Variants in PREPL observed in about 807,000 individuals in gnomAD.
PREPL encodes prolyl endopeptidase-like.
A neutral mutation model predicts 70.6 loss-of-function variants in PREPL; 77 were observed. The observed-to-expected ratio is 1.09, with a 90% confidence interval of 0.91 to 1.32. The LOEUF (loss-of-function observed/expected upper bound fraction) is 1.32. Ranked by LOEUF, PREPL falls within the 40% of genes most tolerant of loss-of-function variation. The probability of loss-of-function intolerance (pLI) is 0.00; values close to 1 mark genes in which losing one functional copy is unlikely to be tolerated. For synonymous variants in PREPL, 315 were observed against 264.8 expected, an observed-to-expected ratio of 1.19 and a Z score of -1.84; for missense variants, 1,002 against 778.2, an observed-to-expected ratio of 1.29 and a Z score of -3.42.
At chr2:44,329,227 T>C (rs1035825262) in intron 8 of PREPL, 115 bp from the exon 9 acceptor site, 3 of 795,690 alleles carry the variant, frequency 3.8e-6, no homozygotes, top group African/African-American at 1.8e-5. Flanking sequence ...CCTACTGATG[T>C]TGAGCACAAA....
Position 44,320,508 on chromosome 2 carries a change from G to GT in PREPL, c.*847_*848insA. ...TACAAGTGGCATTTTTCTGGACAAG[G>GT]GAGAGGGACTCATCTTTGAACACAA... On this transcript the variant is annotated 3_prime_UTR_variant, in exon 14 of 14. Coordinates refer to ENST00000409411, the MANE Select transcript of PREPL (RefSeq NM_001171613.2). 6.2e-7 allele frequency: 1 copy of GT among 1,614,118 alleles called. No homozygotes were observed. Among genetic ancestry groups the GT allele is most frequent in the East Asian group, 2.2e-5 (1 of 44,886 alleles).
intron 12 of PREPL, among the ~76,000 whole-genome samples, 156 bp downstream of exon 12, chr2:44,322,575 G>A (rs957154589): frequency 1.3e-5 from 2 of 152,106 alleles, no homozygotes; most frequent in African/African-American, 4.8e-5. Context: ...ATGTAGTTAC[G>A]TACACTTTAA....
intron 12 of PREPL, among the ~76,000 whole-genome samples, chr2:44,322,458 C>T (rs1005255500): frequency 3.3e-5 from 5 of 152,280 alleles, no homozygotes; most frequent in African/African-American, 1.2e-4. Context: ...TATGGCAGTG[C>T]ATCTCCAAGT....
In PREPL at chr2:44,320,739, T is replaced by C. The variant is rs886056074; in HGVS notation, c.*617A>G. On this transcript the variant is annotated 3_prime_UTR_variant, in exon 14 of 14. Transcript: ENST00000409411. Reference sequence around the variant, plus strand: ...ATGCTGCTTGGTGAACAATCATTAATTCTTCGATATTTCTGTAGCTTGAAT... The same window carrying C: ...ATGCTGCTTGGTGAACAATCATTAACTCTTCGATATTTCTGTAGCTTGAAT... 9 of 924,100 alleles carry C rather than the reference T, an allele frequency of 9.7e-6. No homozygotes were observed. The highest frequency in any genetic ancestry group is 1.6e-5 in the African/African-American group (1 of 61,330). The allele number at this position is 924,100 out of a possible 1,614,324, so 57.2% of individuals were successfully genotyped here. A position where few individuals can be genotyped will look rare whatever the true frequency, so the allele number is the denominator to read the frequency against.
At position 44,326,944 on chromosome 2, in the gene PREPL, A is replaced by C; in HGVS notation, c.1263-16T>G. 16 of 1,610,596 alleles carry C rather than the reference A, an allele frequency of 9.9e-6. No individual in the cohort carries two copies. Among genetic ancestry groups the C allele is most frequent in the Non-Finnish European group, 1.4e-5 (16 of 1,177,400 alleles). ...ACCACCACCTCTGAAATTGAAGGGC[A>C]AAAAAGTTTTAGTGGAAAAAAAAAG... On this transcript the variant is annotated splice_polypyrimidine_tract_variant and intron_variant, in intron 9 of 13. Transcript: ENST00000409411.
chr2:44,359,059 T>C (rs1006819011), intron 1 of PREPL, among the ~76,000 whole-genome samples: 1 of 147,450 alleles, frequency 6.8e-6, no homozygotes, highest in African/African-American at 2.5e-5. Flanking sequence ...TATAAATATA[T>C]GTATACACTT....
chr2:44,321,559 G>A, intron 13 of PREPL, 114 bp from the exon 14 acceptor site: 1 of 1,507,710 alleles, frequency 6.6e-7, no homozygotes, highest in Non-Finnish European at 8.9e-7. Context: ...GCAATTTATG[G>A]CAAGAATACT....
intron 8 of PREPL, among the ~76,000 whole-genome samples, chr2:44,331,358 G>T (rs994586442): frequency 2.6e-5 from 4 of 151,986 alleles, no homozygotes; most frequent in African/African-American, 7.3e-5. Flanking sequence ...GACATTACAG[G>T]CACCTGCCAC....
At position 44,321,864 on chromosome 2, in the gene PREPL, G is replaced by A. The variant is rs1305157753; in HGVS notation, c.1790C>T (p.Pro597Leu). The A allele has an allele frequency of 1.9e-6, 3 of 1,613,640 alleles. No individual in the cohort carries two copies. The highest frequency in any genetic ancestry group is 2.7e-5 in the African/African-American group (2 of 74,992). The stretch of plus-strand genomic sequence containing the variant: ...ATCCTCAATTACATGATTGCCTCCA[G>A]GCTGAATATCTAGAATAATATTAGG... ...QTPNIILDIQPGGNHVIEDSH... is the reference protein window; with the variant it reads ...QTPNIILDIQLGGNHVIEDSH... The change falls in exon 13 of 14, where the codon CCT (proline) becomes CTT (leucine). Residue 597 changes from proline to leucine, a missense_variant. Coordinates refer to ENST00000409411, the MANE Select transcript of PREPL (RefSeq NM_001171613.2).
At chr2:44,321,694 C>T in intron 13 of PREPL, 133 bp downstream of exon 13, 1 of 1,572,132 alleles carries the variant, frequency 6.4e-7, no homozygotes, top group Non-Finnish European at 8.6e-7. Context: ...CCTCCCTCCC[C>T]TCCTGGGTCT....
rs747466071 is a variant in PREPL at position 44,319,856 on chromosome 2, G to A, written c.*1500C>T. On this transcript the variant is annotated 3_prime_UTR_variant, in exon 14 of 14. Transcript: ENST00000409411. ...CTGGCCATCTGGCAGTTACAATATA[G>A]CACAGAATGACTATGCAAGTTAAAT... 8 of 260,750 alleles carry A rather than the reference G, an allele frequency of 3.1e-5. No homozygotes were observed. The highest frequency in any genetic ancestry group is 6.0e-5 in the Non-Finnish European group (8 of 134,240). 16.2% of individuals were successfully genotyped at this position (260,750 alleles called of 1,614,324 possible).
chr2:44,330,675 G>C (rs1427346234), intron 8 of PREPL, among the ~76,000 whole-genome samples: 1 of 152,092 alleles, frequency 6.6e-6, no homozygotes, highest in Non-Finnish European at 1.5e-5. Context: ...AAATTCCTAA[G>C]AATAAAAGGC....
In PREPL at chr2:44,338,481, G is replaced by A; in HGVS notation, c.758C>T (p.Thr253Ile). 13 of 1,612,204 alleles carry A rather than the reference G, an allele frequency of 8.1e-6. No homozygotes were observed. Among genetic ancestry groups the A allele is most frequent in the Non-Finnish European group, 1.1e-5 (13 of 1,179,456 alleles). Residue 253 changes from threonine to isoleucine, a missense_variant, in exon 7 of 14, where the codon ACA becomes ATA. By Grantham distance (89) the Thr-to-Ile change is moderately conservative. Transcript: ENST00000409411. ...TATCACTTTTGTATTTCTCTTCATT[G>A]TAAAAAATAAATCCCAATTCATAAT... Reference protein sequence around the residue: ...PAIMNWDLFFTMKRNTKVIDL... With the variant: ...PAIMNWDLFFIMKRNTKVIDL...
rs180871676 is a variant in PREPL at position 44,344,550 on chromosome 2, A to G, written c.112T>C (p.Cys38Arg). Residue 38 changes from cysteine (C) to arginine (R), a missense_variant, in exon 3 of 14, where the codon TGT becomes CGT. Coordinates refer to ENST00000409411, the MANE Select transcript of PREPL (RefSeq NM_001171613.2). ...HGGFVYYQEGCCLVRSKDEEA... is the reference protein window; with the variant it reads ...HGGFVYYQEGRCLVRSKDEEA... Reference sequence around the variant, plus strand: ...TCATCTTTGGAACGAACCAAGCAACAACCTTCTTGGTAATAAACAAAACCA... The same window carrying G: ...TCATCTTTGGAACGAACCAAGCAACGACCTTCTTGGTAATAAACAAAACCA... 2.5e-6 allele frequency: 4 copies of G among 1,604,586 alleles called. No homozygotes were observed. In the African/African-American group the frequency reaches 5.3e-5, roughly 21 times the overall value.
At chr2:44,340,927 CAAAAAA>C (rs966745305) in intron 5 of PREPL, among the ~76,000 whole-genome samples, 9 of 97,936 alleles carry the variant, frequency 9.2e-5, no homozygotes, top group African/African-American at 2.4e-4. Context: ...GACTCTGTTT[CAAAAAA>C]AAAAAAAAAA....
rs192371707 is a variant in PREPL, at chr2:44,319,232, C to G, written c.*2124G>C. The G allele has an allele frequency of 9.8e-5, 15 of 152,722 alleles. No homozygotes were observed. Among genetic ancestry groups the G allele is most frequent in the Admixed American group, 3.3e-4 (5 of 15,290 alleles). 9.5% of individuals were successfully genotyped at this position (152,722 alleles called of 1,614,324 possible). ...ACAACCACAATAACAACTATCACCC[C>G]AGTAAACATGGCTGGCAAGAATACA... On this transcript the variant is annotated 3_prime_UTR_variant, in exon 14 of 14. Coordinates refer to ENST00000409411, the MANE Select transcript of PREPL (RefSeq NM_001171613.2).
intron 2 of PREPL, 36 bp from the exon 3 acceptor site, chr2:44,344,622 TTTAA>T: frequency 2.7e-6 from 4 of 1,469,896 alleles, no homozygotes; most frequent in Non-Finnish European, 3.7e-6. Flanking sequence ...TTAATAATAA[TTTAA>T]TTAACCTTTT....
At chr2:44,358,866 A>G (rs1677340869) in intron 1 of PREPL, among the ~76,000 whole-genome samples, 1 of 152,158 alleles carries the variant, frequency 6.6e-6, no homozygotes, top group Non-Finnish European at 1.5e-5. Context: ...ACTGAAGTTT[A>G]CTGATTTGTG....
At position 44,329,044 on chromosome 2, in the gene PREPL, G is replaced by C. The variant is rs149866553; in HGVS notation, c.1155C>G (p.Leu385=). 148 of 1,612,974 alleles carry C rather than the reference G, an allele frequency of 9.2e-5. No homozygotes were observed. The highest frequency in any genetic ancestry group is 3.3e-4 in the Middle Eastern group (2 of 6,084). Residue 385 remains leucine, a synonymous_variant, in exon 9 of 14, where the codon CTC becomes CTG. Transcript: ENST00000409411. ...TDSEDLQKKP[L]LVHVYGAYGM... is the part of the protein sequence containing the mutation. ...CATAAGCTCCATATACATGTACCAAGAGAGGTTTCTTCTGCAAGTCCTCAG... is the reference window on the plus strand; with the variant it reads ...CATAAGCTCCATATACATGTACCAACAGAGGTTTCTTCTGCAAGTCCTCAG...
Sources: gnomAD v4.1 joint callset for allele counts (sites outside exome capture counted in the v4.1 genomes callset) on GRCh38, gnomAD v4.1.1 for gene constraint, MANE v1.5 for transcripts, NCBI Gene and HGNC (gene_info 2026-07-23, HGNC 2026-07-21) for gene names.